MAGI1: variants seen among roughly 807,000 people sequenced by gnomAD.
The protein encoded by MAGI1 is membrane-associated guanylate kinase, WW and PDZ domain-containing protein 1.
Under a neutral mutation model 139.9 loss-of-function variants are expected in MAGI1, and 58 were observed. The observed-to-expected ratio is 0.41, with a 90% CI of 0.34 to 0.52. The LOEUF (loss-of-function observed/expected upper bound fraction) is 0.52. Ranked by LOEUF, MAGI1 falls within the 20% of genes least tolerant of loss-of-function variation. MAGI1 has a pLI of 0.12. For synonymous variants in MAGI1, 812 were observed against 737.9 expected, an observed-to-expected ratio of 1.10 and a Z score of -1.63; for missense variants, 1,874 against 1,901.6, an observed-to-expected ratio of 0.99 and a Z score of 0.27.
chr3:65,614,306 T>C (rs1034991467), intron 2 of MAGI1, among the ~76,000 whole-genome samples: 3 of 152,290 alleles, frequency 2.0e-5, no homozygotes, highest in South Asian at 2.1e-4. Flanking sequence ...TGTGCTAAAG[T>C]AAACTAATAG....
In MAGI1 at chr3:65,401,545, C is replaced by A. The variant is rs1944896551; in HGVS notation, c.2168-75G>T. ...TAAATGTTACCTTTTCCTTAAAGAA[C>A]AATCCCCAGGTGTTCCATGGCAACC... On this transcript the variant is annotated intron_variant, in intron 12 of 22. Transcript: ENST00000402939. The A allele has an allele frequency of 1.9e-6, 3 of 1,572,922 alleles. No homozygotes were observed. In the South Asian group the frequency reaches 3.5e-5, roughly 18 times the overall value.
chr3:65,387,655 A>T (rs949759626), intron 14 of MAGI1, among the ~76,000 whole-genome samples: 3 of 152,222 alleles, frequency 2.0e-5, no homozygotes, highest in African/African-American at 7.2e-5. Flanking sequence ...TCTTGTACTA[A>T]TATCTGTTCA....
At chr3:65,753,261 A>C (rs778250982) in intron 1 of MAGI1, among the ~76,000 whole-genome samples, 2 of 152,128 alleles carry the variant, frequency 1.3e-5, no homozygotes, top group Non-Finnish European at 2.9e-5. Flanking sequence ...TAAACTGTCC[A>C]GGCTCGTCAG....
chr3:65,591,085 C>T (rs960181688), intron 2 of MAGI1, among the ~76,000 whole-genome samples: 3 of 152,064 alleles, frequency 2.0e-5, no homozygotes, highest in African/African-American at 7.2e-5. Context: ...TCACCGTTTC[C>T]ATCATTCAAA....
At chr3:65,711,591 A>C (rs1048686606) in intron 1 of MAGI1, among the ~76,000 whole-genome samples, 1 of 152,240 alleles carries the variant, frequency 6.6e-6, no homozygotes, top group Non-Finnish European at 1.5e-5. Flanking sequence ...ATGTATTTAC[A>C]TAGGCCCTTT....
intron 1 of MAGI1, among the ~76,000 whole-genome samples, chr3:65,837,531 C>T (rs2058667346): frequency 6.6e-6 from 1 of 152,154 alleles, no homozygotes; most frequent in Non-Finnish European, 1.5e-5. Context: ...TGCCTTCGTC[C>T]TCTGCTTCTA....
At chr3:65,877,335 T>C (rs972355064) in intron 1 of MAGI1, among the ~76,000 whole-genome samples, 6 of 152,128 alleles carry the variant, frequency 3.9e-5, no homozygotes, top group African/African-American at 1.4e-4. Flanking sequence ...AACACGAAAC[T>C]GGGATGAGTA....
At chr3:65,390,624 A>G (rs1943847691) in intron 14 of MAGI1, among the ~76,000 whole-genome samples, 1 of 152,220 alleles carries the variant, frequency 6.6e-6, no homozygotes, top group Admixed American at 6.5e-5. Context: ...TAAGTAATTA[A>G]AGCACAACCA....
intron 1 of MAGI1, among the ~76,000 whole-genome samples, chr3:65,741,140 C>T (rs35973864): frequency 8.3e-4 from 126 of 151,738 alleles, no homozygotes; most frequent in Admixed American, 1.5e-3. Context: ...ACTGTGGAAA[C>T]TGCAGTTCCA....
chr3:65,384,358 T>C (rs1157805295), intron 14 of MAGI1, among the ~76,000 whole-genome samples: 1 of 152,208 alleles, frequency 6.6e-6, no homozygotes, highest in Non-Finnish European at 1.5e-5. Context: ...TTTTTTCTTC[T>C]CGTTATTCCC....
At chr3:65,393,129 C>T (rs1193961716) in intron 13 of MAGI1, among the ~76,000 whole-genome samples, 2 of 152,192 alleles carry the variant, frequency 1.3e-5, no homozygotes, top group African/African-American at 4.8e-5. Flanking sequence ...GTTGATAGAA[C>T]CTGGCTCTGC....
intron 1 of MAGI1, among the ~76,000 whole-genome samples, chr3:65,952,318 TC>T (rs1273830397): frequency 6.6e-6 from 1 of 152,176 alleles, no homozygotes; most frequent in Non-Finnish European, 1.5e-5. Context: ...GACTCATAAT[TC>T]CTGTTTTTGA....
intron 12 of MAGI1, among the ~76,000 whole-genome samples, chr3:65,409,343 C>T (rs965038816): frequency 1.3e-5 from 2 of 151,744 alleles, no homozygotes; most frequent in Non-Finnish European, 2.9e-5. Context: ...AAATCTAATC[C>T]GATATGAAGA....
chr3:65,662,386 C>A (rs1205701176), intron 1 of MAGI1, among the ~76,000 whole-genome samples: 1 of 152,140 alleles, frequency 6.6e-6, no homozygotes, highest in Non-Finnish European at 1.5e-5. Flanking sequence ...CTTTGCAGAC[C>A]ATACGGTCTC....
At chr3:65,926,327 TTCTCTCTCTCTC>T (rs377665681) in intron 1 of MAGI1, among the ~76,000 whole-genome samples, 22 of 115,662 alleles carry the variant, frequency 1.9e-4, no homozygotes, top group Admixed American at 9.1e-4. Flanking sequence ...AAGTCTTCTT[TTCTCTCTCTCTC>T]TCTCTCTCTC....
intron 11 of MAGI1, 116 bp downstream of exon 11, chr3:65,430,583 G>C (rs1947382271): frequency 2.9e-6 from 3 of 1,047,830 alleles, no homozygotes; most frequent in Non-Finnish European, 4.2e-6. Context: ...CTGTAAACAT[G>C]TGCAATCATG....
At chr3:65,504,419 A>G (rs149513412) in intron 2 of MAGI1, among the ~76,000 whole-genome samples, 28 of 152,356 alleles carry the variant, frequency 1.8e-4, no homozygotes, top group African/African-American at 6.7e-4. Context: ...TTATTATCCT[A>G]TGTCACAGAT....
At chr3:65,933,435 G>C (rs2062896004) in intron 1 of MAGI1, among the ~76,000 whole-genome samples, 1 of 152,110 alleles carries the variant, frequency 6.6e-6, no homozygotes, top group African/African-American at 2.4e-5. Flanking sequence ...TTTCTCATTG[G>C]TTGCTTGTCT....
At chr3:65,700,760 TCTCTAACAGC>T (rs1331222561) in intron 1 of MAGI1, among the ~76,000 whole-genome samples, 9 of 152,176 alleles carry the variant, frequency 5.9e-5, no homozygotes, top group African/African-American at 2.2e-4. Flanking sequence ...AAAATGTGAA[TCTCTAACAGC>T]CTCACATCCA....
Sources: gnomAD v4.1 joint callset for allele counts (sites outside exome capture counted in the v4.1 genomes callset) on GRCh38, gnomAD v4.1.1 for gene constraint, MANE v1.5 for transcripts, NCBI Gene and HGNC (gene_info 2026-07-23, HGNC 2026-07-21) for gene names.